The following TIGIT variants were observed in gnomAD, a reference collection of about 807,000 sequenced individuals.
TIGIT encodes T cell immunoreceptor with Ig and ITIM domains, also known as T-cell immunoreceptor with Ig and ITIM domains.
A neutral mutation model predicts 19.6 loss-of-function variants in TIGIT; 11 were observed. The ratio of observed to expected loss-of-function variants is 0.56; its 90% CI spans 0.35 to 0.93. The LOEUF is 0.93. Ranked by LOEUF, TIGIT falls within the 40% of genes least tolerant of loss-of-function variation. The pLI, the probability that TIGIT is intolerant of heterozygous loss-of-function variation, is 0.01. For synonymous variants in TIGIT, 130 were observed against 125.5 expected (o/e 1.04, Z -0.24); for missense variants, 295 against 303.9 (o/e 0.97, Z 0.22).
chr3:114,305,123 T>C (rs77658389), intron 3 of TIGIT, among the ~76,000 whole-genome samples: 1 of 152,290 alleles, frequency 6.6e-6, no homozygotes, highest in East Asian at 1.9e-4. Context: ...CAATTTTGAG[T>C]CCTAATATTA....
intron 3 of TIGIT, chr3:114,307,681 G>T: frequency 1.8e-6 from 1 of 563,508 alleles, no homozygotes; most frequent in Non-Finnish European, 3.2e-6. Flanking sequence ...TGTGGCACGT[G>T]GTATATGTAG....
intron 3 of TIGIT, among the ~76,000 whole-genome samples, chr3:114,305,592 T>G (rs1050180686): frequency 6.6e-6 from 1 of 152,014 alleles, no homozygotes; most frequent in Non-Finnish European, 1.5e-5. Context: ...TCCACCTAGG[T>G]CAGTCATTAC....
intron 3 of TIGIT, among the ~76,000 whole-genome samples, chr3:114,304,399 T>C (rs2078516851): frequency 6.6e-6 from 1 of 152,236 alleles, no homozygotes; most frequent in Non-Finnish European, 1.5e-5. Context: ...AGCATTTTGT[T>C]CCCCTTTTCC....
At chr3:114,301,032 A>G (rs1189877835) in intron 3 of TIGIT, among the ~76,000 whole-genome samples, 9 of 152,298 alleles carry the variant, frequency 5.9e-5, no homozygotes, top group Admixed American at 4.6e-4. Context: ...TTCATGTAAA[A>G]TCTTTATAAA....
At position 114,296,152 on chromosome 3, in the gene TIGIT, A is replaced by ATTTCCTATATTT. The variant is rs2078452573; in HGVS notation, c.391+278_391+279insTTTCCTATATTT. 22 of 354,118 alleles carry ATTTCCTATATTT rather than the reference A, an allele frequency of 6.2e-5. No individual in the cohort carries two copies. The South Asian group carries it at 1.3e-3, about 21-fold the overall frequency. The allele number at this position is 354,118 out of a possible 1,614,324, so 21.9% of individuals were successfully genotyped here. A position where few individuals can be genotyped will look rare whatever the true frequency, so the allele number is the denominator to read the frequency against. On this transcript the variant is annotated intron_variant, in intron 2 of 3. Transcript: ENST00000383671. ...TGTTCTTATGTAAGAAGCACATCTT[A>ATTTCCTATATTT]CCTATATTTCCTAGGAAGACCAGTT...
chr3:114,299,615 G>A lies in TIGIT; in HGVS notation c.410G>A (p.Arg137Lys). 1 of 1,613,388 alleles carries A rather than the reference G, an allele frequency of 6.2e-7. No homozygotes were observed. The change falls in exon 3 of 4, where the codon AGG becomes AAG. Residue 137 changes from arginine to lysine, a missense_variant. Physicochemically the swap from Arg to Lys is conservative, Grantham distance 26. Coordinates refer to ENST00000383671, the MANE Select transcript of TIGIT (RefSeq NM_173799.4). ...CCTCTAGTGGCTGAGCACGGTGCCAGGTTCCAGATTCCATTGCTTGGAGCC... is the reference window on the plus strand; with the variant it reads ...CCTCTAGTGGCTGAGCACGGTGCCAAGTTCCAGATTCCATTGCTTGGAGCC... ...LESSVAEHGA[R>K]FQIPLLGAMA...
At chr3:114,295,957 T>A in intron 2 of TIGIT, 83 bp downstream of exon 2, 1 of 1,156,554 alleles carries the variant, frequency 8.6e-7, no homozygotes, top group East Asian at 2.4e-5. Flanking sequence ...ACAGCAGGGC[T>A]TCTCAATTCG....
chr3:114,294,275 T>A (rs1262832102), intron 1 of TIGIT, among the ~76,000 whole-genome samples, 153 bp downstream of exon 1: 1 of 152,172 alleles, frequency 6.6e-6, no homozygotes, highest in Non-Finnish European at 1.5e-5. Flanking sequence ...GTACTCTTAT[T>A]TAAGAAAGGA....
chr3:114,296,125 A>G (rs996021187), intron 2 of TIGIT: 3 of 435,112 alleles, frequency 6.9e-6, no homozygotes, highest in Non-Finnish European at 1.2e-5. Context: ...ACTGAGAACC[A>G]CTGTTCTTAT....
In TIGIT at chr3:114,303,630, TACAC is replaced by T. The variant is rs3085123; in HGVS notation, c.498+3951_498+3954del. 1.0e-3 allele frequency among the ~76,000 whole-genome samples: 118 copies of T among 115,780 alleles called. 1 individual carries two copies. Among genetic ancestry groups the T allele is most frequent in the Middle Eastern group, 5.1e-3 (1 of 198 alleles). 76.0% of individuals were successfully genotyped at this position (115,780 alleles called of 152,430 possible). On this transcript the variant is annotated intron_variant, in intron 3 of 3. Transcript: ENST00000383671. Reference sequence around the variant, plus strand: ...ATATATACATATATATGTATATATATACACACACACACACACACACACACACAGA... The same window carrying T: ...ATATATACATATATATGTATATATATACACACACACACACACACACACAGA...
In TIGIT at chr3:114,307,971, G is replaced by A; in HGVS notation, c.575G>A (p.Ser192Asn). 2 of 1,614,108 alleles carry A rather than the reference G, an allele frequency of 1.2e-6. No homozygotes were observed. The highest frequency in any genetic ancestry group is 1.7e-5 in the Admixed American group (1 of 60,018). Residue 192 changes from serine (S) to asparagine (N), a missense_variant, in exon 4 of 4, where the codon AGT (serine) becomes AAT (asparagine). Ser to Asn is a conservative substitution (Grantham distance 46). Coordinates refer to ENST00000383671, the MANE Select transcript of TIGIT (RefSeq NM_173799.4). ...KSAGQEEWSP[S>N]APSPPGSCVQ... ...GCTGGACAGGAGGAATGGAGCCCCA[G>A]TGCTCCCTCACCCCCAGGAAGCTGT...
chr3:114,305,920 G>A (rs755300010), intron 3 of TIGIT, among the ~76,000 whole-genome samples: 1 of 150,350 alleles, frequency 6.7e-6, no homozygotes. Context: ...GGAGGGATTT[G>A]TTAGGGGAAT....
Position 114,295,794 on chromosome 3 carries a change from G to C in TIGIT, c.311G>C (p.Gly104Ala). The C allele has an allele frequency of 6.2e-7, 1 of 1,614,154 alleles. No individual in the cohort carries two copies. Among genetic ancestry groups the C allele is most frequent in the Non-Finnish European group, 8.5e-7 (1 of 1,180,014 alleles). ...CAGTCGCTGACCGTGAACGATACAG[G>C]GGAGTACTTCTGCATCTATCACACC... is the stretch of plus-strand genomic sequence containing the variant. Reference protein sequence around the residue: ...TLQSLTVNDTGEYFCIYHTYP... With the variant: ...TLQSLTVNDTAEYFCIYHTYP... Residue 104 changes from glycine to alanine, a missense_variant, in exon 2 of 4, where the codon GGG becomes GCG. By Grantham distance (60) the Gly-to-Ala change is moderately conservative. Coordinates refer to ENST00000383671, the MANE Select transcript of TIGIT (RefSeq NM_173799.4).
chr3:114,303,586 T>TATATGTATATATATACAC (rs1560033631), intron 3 of TIGIT, among the ~76,000 whole-genome samples: 1 of 24,068 alleles, frequency 4.2e-5, no homozygotes, highest in Admixed American at 5.6e-4. Flanking sequence ...TATATATATA[T>TATATGTATATATATACAC]ACATATATAT....
Position 114,295,513 on chromosome 3 carries a change from A to C in TIGIT, c.62-32A>C, listed in dbSNP as rs140853514. The C allele has an allele frequency of 4.2e-4, 656 of 1,572,204 alleles. 14 individuals are homozygous for C. The East Asian group carries it at 9.2e-3, about 22-fold the overall frequency. ...AAGGTTGAAGGCCAGCTGCTGACCC[A>C]GGACTCACATGTGCTTCGTCCTCTT... On this transcript the variant is annotated intron_variant, in intron 1 of 3. Coordinates refer to ENST00000383671, the MANE Select transcript of TIGIT (RefSeq NM_173799.4).
chr3:114,303,219 C>G (rs953310442), intron 3 of TIGIT, among the ~76,000 whole-genome samples: 1 of 151,722 alleles, frequency 6.6e-6, no homozygotes, highest in Non-Finnish European at 1.5e-5. Flanking sequence ...ACCCATCACC[C>G]GAACAGTGTA....
rs2078558146 is a variant in TIGIT at position 114,309,501 on chromosome 3, G to C, written c.*1370G>C. Reference sequence around the variant, plus strand: ...AATAAAGCATTGTCCTGCTTCCTAAGACTTAGACTGGGGTTGACAATTGTT... The same window carrying C: ...AATAAAGCATTGTCCTGCTTCCTAACACTTAGACTGGGGTTGACAATTGTT... On this transcript the variant is annotated 3_prime_UTR_variant, in exon 4 of 4. Coordinates refer to ENST00000383671, the MANE Select transcript of TIGIT (RefSeq NM_173799.4). 6.6e-6 allele frequency: 1 copy of C among 152,170 alleles called. No individual in the cohort carries two copies. The highest frequency in any genetic ancestry group is 2.1e-4 in the South Asian group (1 of 4,830). 9.4% of individuals were successfully genotyped at this position (152,170 alleles called of 1,614,324 possible).
intron 2 of TIGIT, among the ~76,000 whole-genome samples, chr3:114,299,278 T>A (rs1292502146): frequency 6.6e-6 from 1 of 152,248 alleles, no homozygotes; most frequent in Non-Finnish European, 1.5e-5. Flanking sequence ...TTTCTGAGTT[T>A]TTTTCTGGAA....
chr3:114,307,795 G>C, intron 3 of TIGIT, 100 bp from the exon 4 acceptor site: 1 of 1,048,296 alleles, frequency 9.5e-7, no homozygotes. Flanking sequence ...AAGTTTGCTG[G>C]TGTGCATGTG....
Sources: gnomAD v4.1 joint callset for allele counts (sites outside exome capture counted in the v4.1 genomes callset) on GRCh38, gnomAD v4.1.1 for gene constraint, MANE v1.5 for transcripts, NCBI Gene and HGNC (gene_info 2026-07-23, HGNC 2026-07-21) for gene names.